The following GDPD4 variants were observed in gnomAD, a reference collection of about 807,000 sequenced individuals.
The protein encoded by GDPD4 is glycerophosphodiester phosphodiesterase 6.
GDPD4 carries 60 observed loss-of-function variants against 67.8 expected under a neutral mutation model. The ratio of observed to expected loss-of-function variants is 0.88; its 90% confidence interval spans 0.72 to 1.10. GDPD4 has a LOEUF of 1.10. Among genes scored for constraint, GDPD4 ranks in the 50% least tolerant of loss-of-function variants. The pLI is 0.00. For synonymous variants in GDPD4, 212 were observed against 210.9 expected, an observed-to-expected ratio of 1.00 and a Z score of -0.04; for missense variants, 623 against 613.9, an observed-to-expected ratio of 1.01 and a Z score of -0.16.
intron 3 of GDPD4, 39 bp downstream of exon 3, chr11:77,285,046 T>A: frequency 6.7e-7 from 1 of 1,487,368 alleles, no homozygotes; most frequent in Admixed American, 1.7e-5. Flanking sequence ...CAGACCAAAA[T>A]ACCCTTACAC....
intron 5 of GDPD4, among the ~76,000 whole-genome samples, chr11:77,272,954 G>A (rs1424228570): frequency 6.6e-6 from 1 of 151,922 alleles, no homozygotes; most frequent in Non-Finnish European, 1.5e-5. Context: ...GTTTTTTATG[G>A]AGCATCATTA....
At chr11:77,268,584 C>A in intron 9 of GDPD4, 45 bp from the exon 10 acceptor site, 1 of 1,412,280 alleles carries the variant, frequency 7.1e-7, no homozygotes, top group East Asian at 2.3e-5. Context: ...AGAGTCTCTC[C>A]TCCCAGCATT....
At position 77,228,715 on chromosome 11, in the gene GDPD4, G is replaced by A. The variant is rs550719859; in HGVS notation, c.1472+435C>T. ...AAAAACGAACAAAAAAAATATTATG[G>A]CCCAGAAAGAAGCAGTTGTTTTCCC... On this transcript the variant is annotated intron_variant, in intron 15 of 16. Transcript: ENST00000315938. Among the ~76,000 whole-genome samples, 81 of 152,024 alleles carry A rather than the reference G, an allele frequency of 5.3e-4. 1 individual carries two copies. The highest frequency in any genetic ancestry group is 4.8e-3 in the Admixed American group (73 of 15,234).
intron 1 of GDPD4, among the ~76,000 whole-genome samples, chr11:77,299,889 C>T (rs545402744): frequency 8.9e-4 from 136 of 152,208 alleles, no homozygotes; most frequent in African/African-American, 3.0e-3. Context: ...TACAATCTAC[C>T]TCTCTATATG....
chr11:77,260,381 TA>T (rs1432601538), intron 10 of GDPD4, among the ~76,000 whole-genome samples: 1 of 151,872 alleles, frequency 6.6e-6, no homozygotes, highest in Non-Finnish European at 1.5e-5. Flanking sequence ...TTAGATCCTC[TA>T]AAAAAGAGCT....
chr11:77,258,982 G>C (rs1186413079), intron 10 of GDPD4, among the ~76,000 whole-genome samples: 1 of 152,012 alleles, frequency 6.6e-6, no homozygotes, highest in African/African-American at 2.4e-5. Context: ...TTGTTTGCTT[G>C]GTTTTTGTTT....
intron 11 of GDPD4, among the ~76,000 whole-genome samples, chr11:77,248,525 G>A (rs1277403651): frequency 6.6e-6 from 1 of 151,744 alleles, no homozygotes; most frequent in Non-Finnish European, 1.5e-5. Flanking sequence ...TTGTTGATAT[G>A]GGCACCACCA....
chr11:77,220,250 T>C (rs1312598830), intron 16 of GDPD4, among the ~76,000 whole-genome samples: 2 of 152,358 alleles, frequency 1.3e-5, no homozygotes, highest in South Asian at 2.1e-4. Flanking sequence ...CTATGTTGAA[T>C]AGGAGTGGTG....
intron 5 of GDPD4, among the ~76,000 whole-genome samples, chr11:77,274,434 A>T (rs569984646): frequency 6.6e-6 from 1 of 152,242 alleles, no homozygotes; most frequent in Admixed American, 6.5e-5. Flanking sequence ...TCCTTGCAGT[A>T]ATGAGTGGGT....
At chr11:77,226,275 A>G (rs1225947646) in intron 16 of GDPD4, among the ~76,000 whole-genome samples, 1 of 151,890 alleles carries the variant, frequency 6.6e-6, no homozygotes, top group African/African-American at 2.4e-5. Context: ...TGTCCCCCCA[A>G]CTCCAATTTC....
chr11:77,269,918 CT>C lies in GDPD4; in HGVS notation c.442del (p.Arg148AspfsTer7), dbSNP rs757321216. On this transcript the variant is annotated frameshift_variant, in exon 8 of 17. Transcript: ENST00000315938. LOFTEE classifies it high-confidence loss of function. ...TGTGATTACATTACATTGCTTGAGT[CT>C]TTTTTTCTCAGAATGTGTCATCCTG... ...RYRMTHSEKK[R>X]LKQCNVITRL... The C allele has an allele frequency of 9.4e-6, 15 of 1,590,730 alleles. No individual in the cohort carries two copies. The highest frequency in any genetic ancestry group is 1.7e-5 in the Admixed American group (1 of 59,190).
chr11:77,271,652 C>T (rs943276484), intron 5 of GDPD4, among the ~76,000 whole-genome samples: 1 of 152,234 alleles, frequency 6.6e-6, no homozygotes, highest in Non-Finnish European at 1.5e-5. Context: ...TTTACCATTA[C>T]TAATTTACTA....
intron 16 of GDPD4, among the ~76,000 whole-genome samples, chr11:77,224,974 T>C (rs910206778): frequency 1.3e-5 from 2 of 151,338 alleles, no homozygotes; most frequent in Non-Finnish European, 2.9e-5. Flanking sequence ...CATAATGGTT[T>C]GTGCCTGTGG....
At chr11:77,279,125 T>C (rs1464450674) in intron 4 of GDPD4, among the ~76,000 whole-genome samples, 181 bp downstream of exon 4, 2 of 152,218 alleles carry the variant, frequency 1.3e-5, no homozygotes, top group Non-Finnish European at 1.5e-5. Flanking sequence ...TTCCACGTCC[T>C]TCCACGTCCT....
chr11:77,220,892 T>C (rs951007421), intron 16 of GDPD4, among the ~76,000 whole-genome samples: 7 of 152,232 alleles, frequency 4.6e-5, no homozygotes, highest in Non-Finnish European at 1.0e-4. Context: ...ACCCTGTTAT[T>C]GGTCTATTCA....
intron 10 of GDPD4, among the ~76,000 whole-genome samples, chr11:77,260,262 C>A (rs943904006): frequency 6.7e-6 from 1 of 149,626 alleles, no homozygotes; most frequent in African/African-American, 2.5e-5. Flanking sequence ...GACAAAATCG[C>A]GCCATTGGAC....
At chr11:77,249,029 G>A (rs1170792744) in intron 11 of GDPD4, among the ~76,000 whole-genome samples, 2 of 151,626 alleles carry the variant, frequency 1.3e-5, no homozygotes, top group African/African-American at 2.4e-5. Context: ...CACTTTGGGA[G>A]GCCAAGGCTG....
At chr11:77,244,707 T>C (rs2135844331) in intron 12 of GDPD4, among the ~76,000 whole-genome samples, 1 of 151,912 alleles carries the variant, frequency 6.6e-6, no homozygotes, top group Admixed American at 6.6e-5. Context: ...TTGAGAGGAG[T>C]CATTTCCTGC....
At chr11:77,220,933 C>G (rs1238557649) in intron 16 of GDPD4, among the ~76,000 whole-genome samples, 1 of 152,070 alleles carries the variant, frequency 6.6e-6, no homozygotes, top group Non-Finnish European at 1.5e-5. Context: ...GGGTGGGTAA[C>G]CCGACCTTTC....
Sources: gnomAD v4.1 joint callset for allele counts (sites outside exome capture counted in the v4.1 genomes callset) on GRCh38, gnomAD v4.1.1 for gene constraint, MANE v1.5 for transcripts, NCBI Gene and HGNC (gene_info 2026-07-23, HGNC 2026-07-21) for gene names.